Variants in LIFR observed in about 807,000 individuals in gnomAD.
The protein encoded by LIFR is LIF receptor subunit alpha.
A neutral mutation model predicts 122.2 loss-of-function variants in LIFR; 84 were observed. That is an observed-to-expected ratio of 0.69 (90% CI 0.58 to 0.82). The LOEUF (loss-of-function observed/expected upper bound fraction) is 0.82. Among genes scored for constraint, LIFR ranks in the 40% least tolerant of loss-of-function variants. LIFR has a pLI of 0.00. For missense variants in LIFR, 1,294 were observed against 1,311.6 expected, an observed-to-expected ratio of 0.99 and a Z score of 0.21; for synonymous variants, 422 against 434.7, an observed-to-expected ratio of 0.97 and a Z score of 0.36.
intron 1 of LIFR, among the ~76,000 whole-genome samples, chr5:38,542,785 CCA>C (rs1747665011): frequency 6.6e-6 from 1 of 152,172 alleles, no homozygotes. Context: ...CCTTCCCACT[CCA>C]CTCTTCCTTG....
Position 38,475,713 on chromosome 5 carries a change from G to GT in LIFR, c.*5881_*5882insA, listed in dbSNP as rs1743694192. 1 of 188,196 alleles carries GT rather than the reference G, an allele frequency of 5.3e-6. No individual in the cohort carries two copies. The highest frequency in any genetic ancestry group is 1.1e-5 in the Non-Finnish European group (1 of 89,280). 11.7% of individuals were successfully genotyped at this position (188,196 alleles called of 1,614,324 possible). A position where few individuals can be genotyped will look rare whatever the true frequency, so the allele number is the denominator to read the frequency against. ...CAGTAATTCACTATAATGCAATTTT[G>GT]AAAGTAAAAAAAGGTAATTTCCTAG... On this transcript the variant is annotated 3_prime_UTR_variant, in exon 20 of 20. Coordinates refer to ENST00000453190, the MANE Select transcript of LIFR (RefSeq NM_001127671.2).
intron 14 of LIFR, among the ~76,000 whole-genome samples, chr5:38,492,179 C>T (rs907293683): frequency 6.6e-6 from 1 of 152,208 alleles, no homozygotes; most frequent in Admixed American, 6.5e-5. Flanking sequence ...GGTTCTATCA[C>T]ATACTAATTT....
In LIFR at chr5:38,506,505, T is replaced by C. The variant is rs1745491793; in HGVS notation, c.1119A>G (p.Glu373=). 1 of 1,614,138 alleles carries C rather than the reference T, an allele frequency of 6.2e-7. No individual in the cohort carries two copies. Among genetic ancestry groups the C allele is most frequent in the East Asian group, 2.2e-5 (1 of 44,862 alleles). ...CATCTTTTCCCAGTTATCATTACCT[T>C]TCAACTAAAGTGTAGCTTGTAGCAC... ...GPRATSYTLV[E]SFSGKYVRLK... is the part of the protein sequence containing the mutation. Residue 373 remains glutamate, a splice_region_variant and synonymous_variant, in exon 8 of 20, where the codon GAA becomes GAG. Coordinates refer to ENST00000453190, the MANE Select transcript of LIFR (RefSeq NM_001127671.2).
Position 38,496,396 on chromosome 5 carries a change from A to G in LIFR, c.1871T>C (p.Met624Thr). 6.2e-7 allele frequency: 1 copy of G among 1,613,150 alleles called. No individual in the cohort carries two copies. The highest frequency in any genetic ancestry group is 1.1e-5 in the South Asian group (1 of 91,060). The change falls in exon 13 of 20, where the codon ATG (methionine) becomes ACG (threonine). Residue 624 changes from methionine (M) to threonine (T), a missense_variant. Coordinates refer to ENST00000453190, the MANE Select transcript of LIFR (RefSeq NM_001127671.2). ...CAAGCACTCACCATTTGGAATTTCC[A>G]TACTCGCTATTTTGGAAGGTGGTGA... ...GSSPPSKIAS[M>T]EIPNDDLKIE... is the part of the protein sequence containing the mutation.
chr5:38,525,890 C>T (rs1746652681), intron 4 of LIFR, among the ~76,000 whole-genome samples: 1 of 152,168 alleles, frequency 6.6e-6, no homozygotes, highest in Non-Finnish European at 1.5e-5. Context: ...TAAGACAACG[C>T]TCATCTTTAA....
chr5:38,492,749 T>C (rs1744662598), intron 14 of LIFR, among the ~76,000 whole-genome samples: 1 of 152,154 alleles, frequency 6.6e-6, no homozygotes, highest in Non-Finnish European at 1.5e-5. Flanking sequence ...TGCTTGCTCT[T>C]CTGCACTTCC....
chr5:38,589,930 A>G (rs1299411177), intron 1 of LIFR, among the ~76,000 whole-genome samples: 3 of 152,152 alleles, frequency 2.0e-5, no homozygotes, highest in Non-Finnish European at 4.4e-5. Flanking sequence ...TCTCTTATCT[A>G]ATTGGAACCA....
At chr5:38,537,943 A>C (rs1747380022) in intron 1 of LIFR, among the ~76,000 whole-genome samples, 1 of 152,136 alleles carries the variant, frequency 6.6e-6, no homozygotes, top group South Asian at 2.1e-4. Flanking sequence ...TTACTAGATC[A>C]GATTTCTCTA....
At chr5:38,538,717 T>C (rs1351166023) in intron 1 of LIFR, among the ~76,000 whole-genome samples, 2 of 152,212 alleles carry the variant, frequency 1.3e-5, no homozygotes, top group Non-Finnish European at 2.9e-5. Flanking sequence ...CTCCTCACTC[T>C]CTGGCATACG....
chr5:38,490,358 CAAGTTCATA>C (rs1475991837), intron 14 of LIFR, 67 bp from the exon 15 acceptor site: 2 of 719,502 alleles, frequency 2.8e-6, no homozygotes, highest in African/African-American at 3.6e-5. Context: ...TTAGAAACAT[CAAGTTCATA>C]ACATACTCTA....
At chr5:38,528,113 C>G (rs1230074309) in intron 3 of LIFR, among the ~76,000 whole-genome samples, 1 of 152,194 alleles carries the variant, frequency 6.6e-6, no homozygotes, top group Non-Finnish European at 1.5e-5. Context: ...CTCATACATT[C>G]AAGCCATTGT....
At chr5:38,554,727 G>A (rs1242348827) in intron 1 of LIFR, among the ~76,000 whole-genome samples, 1 of 152,190 alleles carries the variant, frequency 6.6e-6, no homozygotes, top group Non-Finnish European at 1.5e-5. Flanking sequence ...ACATACACAA[G>A]GAGCCAGTAG....
At position 38,510,503 on chromosome 5, in the gene LIFR, T is replaced by C. The variant is rs112569049; in HGVS notation, c.952A>G (p.Thr318Ala). The change falls in exon 7 of 20, where the codon ACC (threonine) becomes GCC (alanine). Residue 318 changes from threonine to alanine, a missense_variant. Physicochemically the swap from Thr to Ala is moderately conservative, Grantham distance 58. Transcript: ENST00000453190. ...ACGGTTCCAAATATGTTATCTTCGG[T>C]TGTAAAAACTACATTTGTTCCACTA... ...ASSGTNVVFTTEDNIFGTVIF... is the reference protein window; with the variant it reads ...ASSGTNVVFTAEDNIFGTVIF... The C allele has an allele frequency of 1.4e-5, 23 of 1,613,614 alleles. No homozygotes were observed. The highest frequency in any genetic ancestry group is 1.8e-5 in the Non-Finnish European group (21 of 1,179,802).
intron 1 of LIFR, among the ~76,000 whole-genome samples, chr5:38,590,874 A>G (rs1749901584): frequency 1.3e-5 from 2 of 152,252 alleles, no homozygotes; most frequent in Admixed American, 1.3e-4. Context: ...CATTTCATTC[A>G]AAAGATTGTT....
intron 1 of LIFR, chr5:38,554,895 C>A (rs1405586457): frequency 6.6e-6 from 1 of 152,158 alleles, no homozygotes; most frequent in African/African-American, 2.4e-5. Flanking sequence ...GCAAATTTTT[C>A]AAAAATCACA....
chr5:38,542,765 C>A (rs1465544143), intron 1 of LIFR, among the ~76,000 whole-genome samples: 1 of 152,156 alleles, frequency 6.6e-6, no homozygotes, highest in Admixed American at 6.5e-5. Flanking sequence ...AGATCATCTA[C>A]CTGGAATGTC....
At position 38,526,971 on chromosome 5, in the gene LIFR, G is replaced by C. The variant is rs1746723080; in HGVS notation, c.397+184C>G. Reference sequence around the variant, plus strand: ...AGGAGCCTGAATTCTGGGCTATTTTGACTGGCCAGAAGAAAAGTTTGCTTC... The same window carrying C: ...AGGAGCCTGAATTCTGGGCTATTTTCACTGGCCAGAAGAAAAGTTTGCTTC... On this transcript the variant is annotated intron_variant, in intron 4 of 19. Transcript: ENST00000453190. Among the ~76,000 whole-genome samples the C allele has an allele frequency of 2.0e-5, 3 of 152,142 alleles. No individual in the cohort carries two copies. In the South Asian group the frequency reaches 6.2e-4, roughly 32 times the overall value.
intron 1 of LIFR, among the ~76,000 whole-genome samples, chr5:38,542,718 G>A (rs1278901360): frequency 6.6e-6 from 1 of 152,122 alleles, no homozygotes; most frequent in East Asian, 1.9e-4. Context: ...GTGTAAACAT[G>A]TCAGGCTCTG....
chr5:38,504,504 A>G (rs1745355946), intron 9 of LIFR, among the ~76,000 whole-genome samples: 1 of 152,186 alleles, frequency 6.6e-6, no homozygotes, highest in Admixed American at 6.5e-5. Context: ...GATATTAACC[A>G]CTATGTAAAT....
Sources: allele counts gnomAD v4.1 joint callset (sites outside exome capture counted in the v4.1 genomes callset), GRCh38; gene constraint gnomAD v4.1.1; transcripts MANE v1.5; gene names NCBI Gene and HGNC (gene_info 2026-07-23, HGNC 2026-07-21).